DGKG: variants seen among roughly 807,000 people sequenced by gnomAD.
DGKG encodes the protein diacylglycerol kinase gamma, also known as DAG kinase gamma.
DGKG carries 78 observed loss-of-function variants against 105.3 expected under a neutral mutation model. The ratio of observed to expected loss-of-function variants is 0.74; its 90% confidence interval spans 0.62 to 0.89. DGKG has a LOEUF of 0.89. Among genes scored for constraint, DGKG ranks in the 40% least tolerant of loss-of-function variants. DGKG has a pLI of 0.00. For missense variants in DGKG, 958 were observed against 1,020.1 expected (o/e 0.94, Z 0.83); for synonymous variants, 346 against 367.1 (o/e 0.94, Z 0.66).
intron 24 of DGKG, among the ~76,000 whole-genome samples, chr3:186,157,237 A>G (rs879671814): frequency 6.6e-6 from 1 of 152,092 alleles, no homozygotes; most frequent in African/African-American, 2.4e-5. Flanking sequence ...ATGTAATTGA[A>G]TACTTTTGGG....
At chr3:186,311,575 T>C (rs1028682878) in intron 2 of DGKG, among the ~76,000 whole-genome samples, 1 of 152,214 alleles carries the variant, frequency 6.6e-6, no homozygotes, top group African/African-American at 2.4e-5. Context: ...AATTGTCTTC[T>C]ATACTTTATG....
chr3:186,184,441 C>T (rs577225101), intron 22 of DGKG, among the ~76,000 whole-genome samples: 4 of 152,234 alleles, frequency 2.6e-5, no homozygotes, highest in South Asian at 4.1e-4. Flanking sequence ...AAAGACTAAT[C>T]TTTGATGGAG....
chr3:186,167,885 C>T (rs887120558), intron 22 of DGKG, among the ~76,000 whole-genome samples: 1 of 152,196 alleles, frequency 6.6e-6, no homozygotes, highest in Non-Finnish European at 1.5e-5. Context: ...TCTTGAAGGG[C>T]TCTTAGCCAA....
intron 22 of DGKG, among the ~76,000 whole-genome samples, chr3:186,178,330 C>CA (rs1717191728): frequency 1.3e-5 from 2 of 152,114 alleles, no homozygotes; most frequent in Non-Finnish European, 2.9e-5. Flanking sequence ...TGGGATGGAG[C>CA]TTAGGTGGTG....
intron 1 of DGKG, among the ~76,000 whole-genome samples, chr3:186,330,902 G>C (rs902684231): frequency 2.6e-5 from 4 of 152,160 alleles, no homozygotes; most frequent in Non-Finnish European, 5.9e-5. Context: ...ACAAGATTTT[G>C]GGGCAGTTAG....
At chr3:186,239,437 G>A (rs1228386413) in intron 20 of DGKG, among the ~76,000 whole-genome samples, 1 of 152,162 alleles carries the variant, frequency 6.6e-6, no homozygotes, top group Admixed American at 6.5e-5. Context: ...CCTTTCCTAA[G>A]TTTAGCCGCT....
At chr3:186,245,718 A>G (rs1311571080) in intron 19 of DGKG, among the ~76,000 whole-genome samples, 4 of 152,152 alleles carry the variant, frequency 2.6e-5, no homozygotes, top group Non-Finnish European at 5.9e-5. Context: ...TCTTTCCTGA[A>G]CTACAACTCC....
At chr3:186,248,103 G>T (rs1721034400) in intron 19 of DGKG, among the ~76,000 whole-genome samples, 1 of 152,116 alleles carries the variant, frequency 6.6e-6, no homozygotes, top group Admixed American at 6.5e-5. Flanking sequence ...TTAGGGCCTG[G>T]CTATTTAGTT....
At chr3:186,292,935 A>C (rs1428850226) in intron 5 of DGKG, among the ~76,000 whole-genome samples, 1 of 152,212 alleles carries the variant, frequency 6.6e-6, no homozygotes, top group Non-Finnish European at 1.5e-5. Context: ...CATTGGTAAA[A>C]TTATGGATGA....
At chr3:186,331,732 A>T (rs556055545) in intron 1 of DGKG, among the ~76,000 whole-genome samples, 85 of 152,246 alleles carry the variant, frequency 5.6e-4, no homozygotes, top group African/African-American at 1.7e-3. Context: ...GTCTAAGAAG[A>T]GTGTTTGTAG....
rs906856277 is a variant in DGKG at position 186,198,445 on chromosome 3, A to T, written c.1918-10066T>A. Among the ~76,000 whole-genome samples, 8 of 152,370 alleles carry T rather than the reference A, an allele frequency of 5.3e-5. No individual in the cohort carries two copies. In the South Asian group the frequency reaches 6.2e-4, roughly 12 times the overall value. ...TCACTGATCTATCAAGAATGATGAG[A>T]ACCTACTTATTCTGTGCTAGACTCT... On this transcript the variant is annotated intron_variant, in intron 21 of 24. Coordinates refer to ENST00000265022, the MANE Select transcript of DGKG (RefSeq NM_001346.3).
rs529451772 is a variant in DGKG, at chr3:186,221,682, G to C, written c.1827-9797C>G. On this transcript the variant is annotated intron_variant, in intron 20 of 24. Transcript: ENST00000265022. Reference sequence around the variant, plus strand: ...GGTGGGGACAGTGAAGATACAGGTGGGTGAGGCCTCGTGTTAGAAACTGAG... The same window carrying C: ...GGTGGGGACAGTGAAGATACAGGTGCGTGAGGCCTCGTGTTAGAAACTGAG... Among the ~76,000 whole-genome samples, 52 of 152,320 alleles carry C rather than the reference G, an allele frequency of 3.4e-4. No homozygotes were observed. In the South Asian group the frequency reaches 0.011, roughly 31 times the overall value.
At chr3:186,152,915 G>A (rs1445915823) in intron 24 of DGKG, among the ~76,000 whole-genome samples, 1 of 151,168 alleles carries the variant, frequency 6.6e-6, no homozygotes, top group Admixed American at 6.6e-5. Flanking sequence ...GCCCGTGTCG[G>A]CCTCCCAAAG....
At chr3:186,162,196 G>A (rs530443330) in intron 23 of DGKG, among the ~76,000 whole-genome samples, 2 of 152,028 alleles carry the variant, frequency 1.3e-5, no homozygotes, top group Non-Finnish European at 1.5e-5. Context: ...GCGCTCGGCC[G>A]GGTCTGTGTT....
chr3:186,250,021 G>C (rs1194370184), intron 19 of DGKG, among the ~76,000 whole-genome samples: 1 of 152,080 alleles, frequency 6.6e-6, no homozygotes. Context: ...CGTCTGGAGG[G>C]TTTCATATGC....
intron 22 of DGKG, among the ~76,000 whole-genome samples, chr3:186,183,673 G>A (rs566625766): frequency 5.3e-5 from 8 of 151,884 alleles, no homozygotes; most frequent in Admixed American, 2.0e-4. Context: ...TTTGGCAGGA[G>A]CTCTAGTCTT....
At chr3:186,246,770 TG>T (rs1225838960) in intron 19 of DGKG, among the ~76,000 whole-genome samples, 3 of 152,122 alleles carry the variant, frequency 2.0e-5, no homozygotes, top group Non-Finnish European at 4.4e-5. Flanking sequence ...CTTATCATGG[TG>T]GGAAGCTTGT....
chr3:186,160,321 G>A (rs1348279821), intron 24 of DGKG: 3 of 985,276 alleles, frequency 3.0e-6, no homozygotes, highest in Non-Finnish European at 3.6e-6. Context: ...GAGAGGGTTT[G>A]ATTTCTTCCA....
chr3:186,305,951 C>G (rs1273944955), intron 3 of DGKG, among the ~76,000 whole-genome samples: 2 of 151,920 alleles, frequency 1.3e-5, no homozygotes, highest in Non-Finnish European at 2.9e-5. Context: ...TTTGAGATGC[C>G]CATTTGATTT....
Sources: gnomAD v4.1 joint callset for allele counts (sites outside exome capture counted in the v4.1 genomes callset) on GRCh38, gnomAD v4.1.1 for gene constraint, MANE v1.5 for transcripts, NCBI Gene and HGNC (gene_info 2026-07-23, HGNC 2026-07-21) for gene names.